Variants in SLIT3 observed in about 807,000 individuals in gnomAD.
SLIT3 encodes slit guidance ligand 3.
In SLIT3, 68 loss-of-function variants were observed where a neutral mutation model predicts 184.0. The observed-to-expected ratio is 0.37, with a 90% confidence interval of 0.30 to 0.45. The LOEUF (loss-of-function observed/expected upper bound fraction) is 0.45. Ranked by LOEUF, SLIT3 falls within the 20% of genes least tolerant of loss-of-function variation. The probability of loss-of-function intolerance (pLI) is 1.00; values close to 1 mark genes in which losing one functional copy is unlikely to be tolerated. For missense variants in SLIT3, 1,707 were observed against 2,026.0 expected (o/e 0.84, Z 3.02); for synonymous variants, 831 against 828.6 (o/e 1.00, Z -0.05).
intron 35 of SLIT3, among the ~76,000 whole-genome samples, chr5:168,669,125 G>A (rs1761150849): frequency 6.6e-6 from 1 of 152,204 alleles, no homozygotes; most frequent in African/African-American, 2.4e-5. Flanking sequence ...ATTGCCCCCA[G>A]TGACTACCAC....
In SLIT3 at chr5:168,754,011, G is replaced by A. The variant is rs1436413816; in HGVS notation, c.1686-4C>T. ...GATCTTATTGTTACTCAGATTTCTA[G>A]AAGGAAGAAACAGAATAGGGGAGAA... On this transcript the variant is annotated splice_polypyrimidine_tract_variant and splice_region_variant and intron_variant, in intron 16 of 35. Transcript: ENST00000519560. 1.3e-6 allele frequency: 2 copies of A among 1,569,924 alleles called. No homozygotes were observed. Among genetic ancestry groups the A allele is most frequent in the Non-Finnish European group, 1.7e-6 (2 of 1,161,836 alleles).
intron 4 of SLIT3, among the ~76,000 whole-genome samples, chr5:169,061,964 C>T (rs917964149): frequency 6.6e-6 from 1 of 152,138 alleles, no homozygotes; most frequent in Non-Finnish European, 1.5e-5. Flanking sequence ...CCACCCCAAT[C>T]GTGAGGTCAG....
chr5:168,761,909 T>TAA lies in SLIT3; in HGVS notation c.1610+628_1610+629dup, dbSNP rs773306404. 1.9e-3 allele frequency among the ~76,000 whole-genome samples: 238 copies of TAA among 127,808 alleles called. 1 individual carries two copies. The highest frequency in any genetic ancestry group is 3.5e-3 in the African/African-American group (116 of 32,962). 83.8% of individuals were successfully genotyped at this position (127,808 alleles called of 152,430 possible). ...GCATGCCACTATCATGCCCAGCTAA[T>TAA]AAAAAAAAAAAATTTTTTTTTTTTT... On this transcript the variant is annotated intron_variant, in intron 15 of 35. Transcript: ENST00000519560.
At chr5:169,279,945 C>T (rs577075519) in intron 1 of SLIT3, among the ~76,000 whole-genome samples, 2 of 152,374 alleles carry the variant, frequency 1.3e-5, no homozygotes, top group East Asian at 3.9e-4. Flanking sequence ...AGTCACCACG[C>T]TTGCTTTTGT....
intron 5 of SLIT3, among the ~76,000 whole-genome samples, chr5:168,848,806 A>C (rs148003335): frequency 6.6e-6 from 1 of 152,228 alleles, no homozygotes; most frequent in Non-Finnish European, 1.5e-5. Context: ...GCAGACTGGG[A>C]GATAGCACTT....
chr5:168,782,125 T>C (rs559712285), intron 12 of SLIT3, among the ~76,000 whole-genome samples: 1 of 152,322 alleles, frequency 6.6e-6, no homozygotes, highest in African/African-American at 2.4e-5. Context: ...TGCTCTGTAA[T>C]TGGCATGTTG....
chr5:168,883,054 C>A (rs530386660), intron 5 of SLIT3, among the ~76,000 whole-genome samples: 2 of 152,282 alleles, frequency 1.3e-5, no homozygotes, highest in South Asian at 4.2e-4. Flanking sequence ...CTCCAGTGCT[C>A]ATATCTGGGG....
intron 4 of SLIT3, among the ~76,000 whole-genome samples, chr5:169,068,557 GA>G (rs909806384): frequency 2.0e-5 from 3 of 152,280 alleles, no homozygotes; most frequent in Admixed American, 2.0e-4. Context: ...AGCAAAGAGA[GA>G]AAATTTCCAA....
chr5:169,121,271 G>A (rs1195259439), intron 4 of SLIT3, among the ~76,000 whole-genome samples: 3 of 152,166 alleles, frequency 2.0e-5, no homozygotes, highest in African/African-American at 7.2e-5. Flanking sequence ...CCTTTCTGAT[G>A]AGAGTCAAAA....
intron 5 of SLIT3, among the ~76,000 whole-genome samples, chr5:168,877,261 A>G (rs1759765432): frequency 6.6e-6 from 1 of 152,194 alleles, no homozygotes; most frequent in Non-Finnish European, 1.5e-5. Flanking sequence ...ACAGTAGGCA[A>G]CATTTGAGCC....
intron 26 of SLIT3, among the ~76,000 whole-genome samples, chr5:168,705,284 C>T (rs1406828505): frequency 6.6e-6 from 1 of 152,190 alleles, no homozygotes; most frequent in Non-Finnish European, 1.5e-5. Flanking sequence ...TGCTCAGTTT[C>T]TTCAACTGTA....
chr5:168,791,352 C>G (rs888020573), intron 10 of SLIT3: 1 of 152,230 alleles, frequency 6.6e-6, no homozygotes, highest in African/African-American at 2.4e-5. Flanking sequence ...ACTTCTGGAC[C>G]CATCTCTCCC....
intron 4 of SLIT3, among the ~76,000 whole-genome samples, chr5:169,099,483 A>G (rs1759925564): frequency 6.6e-6 from 1 of 152,196 alleles, no homozygotes; most frequent in Non-Finnish European, 1.5e-5. Flanking sequence ...ACACATGTTT[A>G]GCAACTACTG....
intron 5 of SLIT3, among the ~76,000 whole-genome samples, chr5:168,857,936 G>A (rs1159960015): frequency 4.6e-5 from 7 of 152,196 alleles, no homozygotes; most frequent in South Asian, 4.1e-4. Flanking sequence ...GGATGCATAC[G>A]GGGTTAGACA....
chr5:169,163,060 C>T (rs297816), intron 4 of SLIT3, among the ~76,000 whole-genome samples: 45,035 of 151,814 alleles, frequency 0.3, 6,934 homozygotes, highest in Middle Eastern at 0.4. Flanking sequence ...CGGTGGCTCA[C>T]GCTTGTAATC....
Position 168,844,652 on chromosome 5 carries a change from T to C in SLIT3, c.489A>G (p.Gln163=). The change falls in exon 6 of 36, where the codon CAA becomes CAG. Residue 163 remains glutamine, a synonymous_variant. Transcript: ENST00000519560. The stretch of plus-strand genomic sequence containing the variant: ...TGCAGCTGATGTGGTTGTTGTCCAG[T>C]TGCCTGTGGAAAAGCAGGGGAGAGC... ...FRGITDVKNL[Q]LDNNHISCIE... The C allele has an allele frequency of 1.2e-6, 2 of 1,614,136 alleles. No homozygotes were observed. Among genetic ancestry groups the C allele is most frequent in the Non-Finnish European group, 1.7e-6 (2 of 1,180,014 alleles).
At chr5:168,931,793 C>A (rs557944301) in intron 4 of SLIT3, among the ~76,000 whole-genome samples, 1 of 152,310 alleles carries the variant, frequency 6.6e-6, no homozygotes, top group South Asian at 2.1e-4. Flanking sequence ...CACACCACTG[C>A]ACAGGAAGAA....
At chr5:169,109,557 G>T (rs1419675575) in intron 4 of SLIT3, among the ~76,000 whole-genome samples, 1 of 152,204 alleles carries the variant, frequency 6.6e-6, no homozygotes, top group Non-Finnish European at 1.5e-5. Context: ...AAGCTTCTAA[G>T]CTGGTAGCAA....
intron 4 of SLIT3, among the ~76,000 whole-genome samples, chr5:169,098,473 T>C (rs901263828): frequency 6.6e-6 from 1 of 152,332 alleles, no homozygotes; most frequent in South Asian, 2.1e-4. Context: ...TCTGAACAAA[T>C]GCTGGGATGC....
Sources: gnomAD v4.1 joint callset for allele counts (sites outside exome capture counted in the v4.1 genomes callset) on GRCh38, gnomAD v4.1.1 for gene constraint, MANE v1.5 for transcripts, NCBI Gene and HGNC (gene_info 2026-07-23, HGNC 2026-07-21) for gene names.